The following PTPRT variants were observed in gnomAD, a reference collection of about 807,000 sequenced individuals.
PTPRT encodes the protein protein tyrosine phosphatase receptor type T.
A neutral mutation model predicts 176.8 loss-of-function variants in PTPRT; 56 were observed. The observed-to-expected ratio is 0.32, with a 90% CI of 0.26 to 0.40. The LOEUF is 0.40. Among genes scored for constraint, PTPRT ranks in the 10% least tolerant of loss-of-function variants. PTPRT has a pLI of 1.00. For missense variants in PTPRT, 1,540 were observed against 1,908.2 expected (o/e 0.81, Z 3.60); for synonymous variants, 783 against 739.0 (o/e 1.06, Z -0.96).
the PTPRT span, among the ~76,000 whole-genome samples, chr20:42,042,046 G>C: frequency 2.0e-5 from 3 of 152,136 alleles, no homozygotes; most frequent in Non-Finnish European, 4.4e-5. Context: ...ACTGTCACTT[G>C]TACTCCTGCC....
intron 7 of PTPRT, among the ~76,000 whole-genome samples, chr20:42,500,891 T>A (rs2071739996): frequency 6.6e-6 from 1 of 152,224 alleles, no homozygotes; most frequent in Admixed American, 6.5e-5. Flanking sequence ...TATTTTCCAA[T>A]GTCAGACAAC....
chr20:42,629,700 T>A (rs1174524090), intron 7 of PTPRT, among the ~76,000 whole-genome samples: 1 of 152,146 alleles, frequency 6.6e-6, no homozygotes, highest in Admixed American at 6.5e-5. Flanking sequence ...AAGCAGCTTA[T>A]GAAGGAAGCA....
At chr20:42,669,556 T>A (rs2075378339) in intron 7 of PTPRT, among the ~76,000 whole-genome samples, 1 of 152,202 alleles carries the variant, frequency 6.6e-6, no homozygotes, top group Non-Finnish European at 1.5e-5. Flanking sequence ...TACTTCTAAT[T>A]CAGAACCCTA....
At position 42,903,695 on chromosome 20, in the gene PTPRT, G is replaced by A. The variant is rs116875627; in HGVS notation, c.89-17763C>T. Among the ~76,000 whole-genome samples, 1,230 of 152,290 alleles carry A rather than the reference G, an allele frequency of 8.1e-3. 9 individuals are homozygous for A. The highest frequency in any genetic ancestry group is 0.034 in the Middle Eastern group (10 of 294). On this transcript the variant is annotated intron_variant, in intron 1 of 30. Transcript: ENST00000373187. Reference sequence around the variant, plus strand: ...GTGTGCATTAATTGTAGGATGGAAGGTTTTTAAGGACAGAATACAAAGAAG... The same window carrying A: ...GTGTGCATTAATTGTAGGATGGAAGATTTTTAAGGACAGAATACAAAGAAG...
At chr20:42,064,011 G>T in the PTPRT span, 1 of 151,516 alleles carries the variant, frequency 6.6e-6, no homozygotes, top group Non-Finnish European at 1.5e-5. Context: ...TGTAAGAGAG[G>T]AGTTTTCCCT....
intron 2 of PTPRT, among the ~76,000 whole-genome samples, chr20:42,844,823 G>A (rs1368934645): frequency 6.6e-6 from 1 of 152,198 alleles, no homozygotes; most frequent in African/African-American, 2.4e-5. Flanking sequence ...TAGGAGATGG[G>A]CGTACGGGGA....
At chr20:42,316,107 C>T (rs1346048421) in intron 11 of PTPRT, 111 bp from the exon 12 acceptor site, 2 of 1,259,182 alleles carry the variant, frequency 1.6e-6, no homozygotes, top group African/African-American at 1.5e-5. Context: ...TTGGTTCGGT[C>T]TACAACAAAA....
At chr20:42,676,067 T>C (rs1006268142) in intron 7 of PTPRT, among the ~76,000 whole-genome samples, 1 of 152,238 alleles carries the variant, frequency 6.6e-6, no homozygotes, top group African/African-American at 2.4e-5. Flanking sequence ...TCTGCAGTGT[T>C]AACAATGTCA....
chr20:42,169,743 AACACACACACACACACACACAC>A lies in PTPRT; in HGVS notation c.2492-8223_2492-8202del, dbSNP rs56329932. On this transcript the variant is annotated intron_variant, in intron 16 of 30. Transcript: ENST00000373187. ...GATACCGTGAAAAGTACAATTTTCA[AACACACACACACACACACACAC>A]ACACACACACACACACACACACACA... is the stretch of plus-strand genomic sequence containing the variant. Among the ~76,000 whole-genome samples, 99 of 104,634 alleles carry A rather than the reference AACACACACACACACACACACAC, an allele frequency of 9.5e-4. 2 individuals are homozygous for A. The highest frequency in any genetic ancestry group is 3.7e-3 in the Admixed American group (35 of 9,576). 68.6% of individuals were successfully genotyped at this position (104,634 alleles called of 152,430 possible).
chr20:42,579,280 G>T (rs1012313725), intron 7 of PTPRT, among the ~76,000 whole-genome samples: 1 of 151,846 alleles, frequency 6.6e-6, no homozygotes, highest in African/African-American at 2.4e-5. Flanking sequence ...GGTGTATATG[G>T]GCCACATTTT....
At chr20:42,220,709 A>G (rs999617861) in intron 15 of PTPRT, among the ~76,000 whole-genome samples, 2 of 152,194 alleles carry the variant, frequency 1.3e-5, no homozygotes, top group African/African-American at 2.4e-5. Flanking sequence ...GTCTGCTATA[A>G]CTAAATTGGA....
At chr20:42,199,011 T>C (rs1165193753) in intron 16 of PTPRT, among the ~76,000 whole-genome samples, 1 of 152,216 alleles carries the variant, frequency 6.6e-6, no homozygotes, top group Non-Finnish European at 1.5e-5. Context: ...TTAGGATGAC[T>C]TGCTCCCATT....
At chr20:42,464,902 C>T (rs1227148332) in intron 8 of PTPRT, among the ~76,000 whole-genome samples, 1 of 152,134 alleles carries the variant, frequency 6.6e-6, no homozygotes, top group Non-Finnish European at 1.5e-5. Context: ...TGATCATTGG[C>T]TCATTAGAAA....
intron 2 of PTPRT, among the ~76,000 whole-genome samples, chr20:42,849,067 G>A (rs2078426739): frequency 1.3e-5 from 2 of 152,148 alleles, no homozygotes; most frequent in Admixed American, 1.3e-4. Flanking sequence ...TTGTTGAATA[G>A]GGTGTCCTTT....
chr20:42,903,858 C>T (rs556113553), intron 1 of PTPRT, among the ~76,000 whole-genome samples: 3 of 152,308 alleles, frequency 2.0e-5, no homozygotes, highest in Admixed American at 6.5e-5. Context: ...TGAACTAGCA[C>T]GTCACCCAGT....
chr20:42,944,233 G>C (rs1268400706), intron 1 of PTPRT, among the ~76,000 whole-genome samples: 1 of 152,038 alleles, frequency 6.6e-6, no homozygotes, highest in Non-Finnish European at 1.5e-5. Flanking sequence ...TAGAGCCGGG[G>C]GGCGGAAAGT....
At chr20:42,803,366 G>A (rs747931913) in intron 2 of PTPRT, among the ~76,000 whole-genome samples, 23 of 152,210 alleles carry the variant, frequency 1.5e-4, no homozygotes, top group Non-Finnish European at 3.1e-4. Flanking sequence ...TCAAGTTTGA[G>A]AACCACTTTT....
chr20:42,940,085 C>T (rs1477570981), intron 1 of PTPRT, among the ~76,000 whole-genome samples: 1 of 152,084 alleles, frequency 6.6e-6, no homozygotes, highest in East Asian at 1.9e-4. Context: ...AATATAATCC[C>T]CCCAGGAGAT....
At chr20:42,510,218 A>G (rs1443782074) in intron 7 of PTPRT, among the ~76,000 whole-genome samples, 1 of 152,046 alleles carries the variant, frequency 6.6e-6, no homozygotes, top group African/African-American at 2.4e-5. Context: ...TGTGTTTCCA[A>G]TACCTAACCC....
Sources: allele counts gnomAD v4.1 joint callset (sites outside exome capture counted in the v4.1 genomes callset), GRCh38; gene constraint gnomAD v4.1.1; transcripts MANE v1.5; gene names NCBI Gene and HGNC (gene_info 2026-07-23, HGNC 2026-07-21).